Variants in ADAMTSL1 observed in about 807,000 individuals in gnomAD.
The protein encoded by ADAMTSL1 is ADAMTS like 1, also known as ADAMTS-like protein 1.
In ADAMTSL1, 126 loss-of-function variants were observed where a neutral mutation model predicts 201.8. That is an observed-to-expected ratio of 0.62 (90% confidence interval 0.54 to 0.72). The LOEUF (loss-of-function observed/expected upper bound fraction) is 0.72, where lower values mean the gene tolerates loss of function less well. ADAMTSL1 is among the 30% of genes least tolerant of loss of function. The pLI, the probability that ADAMTSL1 is intolerant of heterozygous loss-of-function variation, is 0.00. For missense variants in ADAMTSL1, 2,679 were observed against 2,277.8 expected (o/e 1.18, Z -3.59); for synonymous variants, 1,121 against 903.4 (o/e 1.24, Z -4.32).
intron 4 of ADAMTSL1, among the ~76,000 whole-genome samples, chr9:18,576,863 C>T (rs1822768801): frequency 6.6e-6 from 1 of 151,818 alleles, no homozygotes; most frequent in Admixed American, 6.6e-5. Flanking sequence ...GCATGTTAGA[C>T]ATCATTATCC....
At chr9:18,331,155 G>C (rs1229219578) in intron 2 of ADAMTSL1, among the ~76,000 whole-genome samples, 1 of 152,108 alleles carries the variant, frequency 6.6e-6, no homozygotes, top group East Asian at 1.9e-4. Context: ...AGCTGTTTGA[G>C]GACTGCAAGA....
intron 4 of ADAMTSL1, among the ~76,000 whole-genome samples, chr9:18,601,761 TTACATTA>T (rs1824672676): frequency 6.6e-6 from 1 of 151,576 alleles, no homozygotes; most frequent in Admixed American, 6.6e-5. Flanking sequence ...CATTTATATA[TTACATTA>T]TACATTATAA....
At chr9:18,883,154 C>A (rs569565038) in intron 23 of ADAMTSL1, among the ~76,000 whole-genome samples, 3 of 152,318 alleles carry the variant, frequency 2.0e-5, no homozygotes, top group African/African-American at 7.2e-5. Flanking sequence ...CACACATACA[C>A]ATGCTGCATT....
intron 2 of ADAMTSL1, among the ~76,000 whole-genome samples, chr9:18,174,573 C>T (rs2132140571): frequency 6.6e-6 from 1 of 152,174 alleles, no homozygotes; most frequent in South Asian, 2.1e-4. Flanking sequence ...ACACCCTCTC[C>T]TAGAATTTTA....
intron 1 of ADAMTSL1, among the ~76,000 whole-genome samples, chr9:17,912,851 T>C (rs1825938881): frequency 1.3e-5 from 2 of 150,618 alleles, no homozygotes; most frequent in Non-Finnish European, 3.0e-5. Flanking sequence ...TCATCTTGAA[T>C]TGATTTTCGT....
intron 14 of ADAMTSL1, among the ~76,000 whole-genome samples, chr9:18,713,380 G>T (rs1251622775): frequency 1.3e-5 from 2 of 152,086 alleles, no homozygotes; most frequent in African/African-American, 2.4e-5. Context: ...ACACACATAG[G>T]CTCAAAATAA....
chr9:18,019,762 A>T (rs758605223), intron 1 of ADAMTSL1, among the ~76,000 whole-genome samples: 11 of 152,122 alleles, frequency 7.2e-5, no homozygotes, highest in Non-Finnish European at 1.3e-4. Flanking sequence ...GAATCTCAGA[A>T]TTCTACTGGC....
chr9:18,025,764 GA>G (rs1288115185), intron 1 of ADAMTSL1, among the ~76,000 whole-genome samples: 1 of 151,818 alleles, frequency 6.6e-6, no homozygotes, highest in East Asian at 1.9e-4. Context: ...ATGAATTTTA[GA>G]ATAGGTTTTT....
At chr9:18,776,623 C>T (rs3802338) in intron 18 of ADAMTSL1, among the ~76,000 whole-genome samples, 158 bp from the exon 19 acceptor site, 34,660 of 152,120 alleles carry the variant, frequency 0.23, 4,241 homozygotes, top group South Asian at 0.32. Flanking sequence ...AAATAAACCC[C>T]GAAGAATACT....
intron 2 of ADAMTSL1, among the ~76,000 whole-genome samples, chr9:18,180,454 A>G (rs1183650004): frequency 2.1e-5 from 3 of 145,150 alleles, no homozygotes; most frequent in Admixed American, 1.5e-4. Flanking sequence ...AATGGCGTGA[A>G]CCCGGGAGGC....
chr9:18,205,488 C>A (rs1045840712), intron 2 of ADAMTSL1, among the ~76,000 whole-genome samples: 1 of 151,272 alleles, frequency 6.6e-6, no homozygotes, highest in Non-Finnish European at 1.5e-5. Context: ...GAAAAAAAAA[C>A]GAAAAGTTTT....
chr9:18,090,929 T>C (rs141914823), intron 1 of ADAMTSL1, among the ~76,000 whole-genome samples: 36 of 152,172 alleles, frequency 2.4e-4, no homozygotes, highest in African/African-American at 8.7e-4. Context: ...TTCTGGGCTG[T>C]GTACACATGG....
chr9:17,980,402 A>G (rs922103671), intron 1 of ADAMTSL1, among the ~76,000 whole-genome samples: 10 of 148,756 alleles, frequency 6.7e-5, no homozygotes, highest in Non-Finnish European at 1.5e-4. Context: ...TTCTTTTTCT[A>G]TCTTCTAATT....
chr9:18,533,177 T>G, intron 2 of ADAMTSL1, 70 bp from the exon 3 acceptor site: 1 of 1,403,082 alleles, frequency 7.1e-7, no homozygotes, highest in South Asian at 1.3e-5. Context: ...AGCAAATTTT[T>G]ATAAGAAAAT....
intron 2 of ADAMTSL1, among the ~76,000 whole-genome samples, chr9:18,412,801 C>A (rs971140469): frequency 6.6e-6 from 1 of 152,168 alleles, no homozygotes; most frequent in South Asian, 2.1e-4. Flanking sequence ...TCTGGAACAA[C>A]AAGATGTTCC....
chr9:18,817,059 A>G (rs1177651658), intron 20 of ADAMTSL1, 50 bp from the exon 21 acceptor site: 3 of 1,595,348 alleles, frequency 1.9e-6, no homozygotes, highest in Non-Finnish European at 2.6e-6. Context: ...GAGTGCCCCA[A>G]TTTCCACAGT....
chr9:18,807,925 G>A (rs912345127), intron 20 of ADAMTSL1, among the ~76,000 whole-genome samples: 15 of 151,996 alleles, frequency 9.9e-5, no homozygotes, highest in African/African-American at 3.6e-4. Flanking sequence ...GATTGTAATC[G>A]TGTCCACAAA....
chr9:18,738,165 G>A (rs924828072), intron 15 of ADAMTSL1, among the ~76,000 whole-genome samples: 2 of 152,072 alleles, frequency 1.3e-5, no homozygotes, highest in Non-Finnish European at 2.9e-5. Flanking sequence ...GGACCCAGAT[G>A]GTCACTAGAC....
intron 2 of ADAMTSL1, among the ~76,000 whole-genome samples, chr9:18,208,456 C>T (rs944018653): frequency 1.3e-5 from 2 of 152,088 alleles, no homozygotes; most frequent in Non-Finnish European, 2.9e-5. Context: ...TACACGGCAA[C>T]CAATGAGTGT....
Sources: allele counts gnomAD v4.1 joint callset (sites outside exome capture counted in the v4.1 genomes callset), GRCh38; gene constraint gnomAD v4.1.1; transcripts MANE v1.5; gene names NCBI Gene and HGNC (gene_info 2026-07-23, HGNC 2026-07-21).